The following RELN variants were observed in gnomAD, a reference collection of about 807,000 sequenced individuals.
The protein encoded by RELN is reelin.
Under a neutral mutation model 427.6 loss-of-function variants are expected in RELN, and 108 were observed. The ratio of observed to expected loss-of-function variants is 0.25; its 90% confidence interval spans 0.22 to 0.30. RELN has a LOEUF of 0.30. Among genes scored for constraint, RELN ranks in the 10% least tolerant of loss-of-function variants. The pLI is 1.00. For synonymous variants in RELN, 1,524 were observed against 1,513.4 expected (o/e 1.01, Z -0.16); for missense variants, 3,715 against 4,302.8 (o/e 0.86, Z 3.82).
intron 20 of RELN, among the ~76,000 whole-genome samples, chr7:103,624,584 G>A (rs1486876819): frequency 2.0e-5 from 3 of 152,132 alleles, no homozygotes; most frequent in Admixed American, 6.5e-5. Flanking sequence ...CCGCCACCAG[G>A]CCCTGCTAAC....
intron 2 of RELN, among the ~76,000 whole-genome samples, chr7:103,893,598 G>A (rs62482326): frequency 6.6e-6 from 1 of 152,086 alleles, no homozygotes; most frequent in Admixed American, 6.6e-5. Flanking sequence ...GAACATAAAT[G>A]TACATACACT....
chr7:103,627,686 A>G (rs549769612), intron 20 of RELN, among the ~76,000 whole-genome samples: 1 of 152,330 alleles, frequency 6.6e-6, no homozygotes, highest in Admixed American at 6.5e-5. Flanking sequence ...TCGATTGCTC[A>G]CATGTGGTTG....
chr7:103,522,830 G>GACACCCAGACACACAC (rs1562870230), intron 47 of RELN, among the ~76,000 whole-genome samples: 1 of 4,016 alleles, frequency 2.5e-4, no homozygotes, highest in African/African-American at 1.3e-3. Flanking sequence ...ATCTCACACA[G>GACACCCAGACACACAC]ACACACAGAC....
chr7:103,498,994 TTGTCCTGGTGTG>T (rs1828933643), intron 53 of RELN, among the ~76,000 whole-genome samples: 1 of 152,148 alleles, frequency 6.6e-6, no homozygotes, highest in South Asian at 2.1e-4. Context: ...CCCCAATGGA[TTGTCCTGGTGTG>T]TGTGCCCTCA....
rs1001481022 is a variant in RELN, at chr7:103,483,992, G to A, written c.9984-142C>T. Reference sequence around the variant, plus strand: ...CCTACTGGGTTCAAGCGATTTTCCTGCCTCGGTCTCCCTAGTAGCTGGCAT... The same window carrying A: ...CCTACTGGGTTCAAGCGATTTTCCTACCTCGGTCTCCCTAGTAGCTGGCAT... On this transcript the variant is annotated intron_variant, in intron 61 of 64. Transcript: ENST00000428762. 36 of 804,410 alleles carry A rather than the reference G, an allele frequency of 4.5e-5. No homozygotes were observed. In the African/African-American group the frequency reaches 5.7e-4, roughly 13 times the overall value. 49.8% of individuals were successfully genotyped at this position (804,410 alleles called of 1,614,324 possible). A position where few individuals can be genotyped will look rare whatever the true frequency, so the allele number is the denominator to read the frequency against.
At chr7:103,566,785 TATTTGGAC>T in intron 31 of RELN, 26 bp from the exon 32 acceptor site, 6 of 1,609,594 alleles carry the variant, frequency 3.7e-6, no homozygotes, top group Non-Finnish European at 5.1e-6. Flanking sequence ...TAAATCCAGT[TATTTGGAC>T]ACTTTCCTAG....
chr7:103,479,389 T>C (rs1016059728), intron 63 of RELN, among the ~76,000 whole-genome samples: 8 of 152,232 alleles, frequency 5.3e-5, no homozygotes, highest in Non-Finnish European at 8.8e-5. Context: ...TTGTCAATGA[T>C]CGTGTTATGC....
intron 46 of RELN, among the ~76,000 whole-genome samples, chr7:103,527,894 G>T (rs969839191): frequency 6.6e-6 from 1 of 152,192 alleles, no homozygotes. Flanking sequence ...TCACACCCAT[G>T]AAGATGGCAA....
chr7:103,936,743 GAC>G (rs57505374), intron 1 of RELN, among the ~76,000 whole-genome samples: 62,776 of 138,402 alleles, frequency 0.45, 13,881 homozygotes, highest in East Asian at 0.64. Flanking sequence ...CAGACAGACA[GAC>G]ACACACACAC....
intron 45 of RELN, among the ~76,000 whole-genome samples, 200 bp from the exon 46 acceptor site, chr7:103,535,684 C>G (rs1265195694): frequency 6.6e-6 from 1 of 150,820 alleles, no homozygotes; most frequent in Non-Finnish European, 1.5e-5. Flanking sequence ...TTTAAATTTC[C>G]ATGTTGAAAT....
intron 8 of RELN, among the ~76,000 whole-genome samples, chr7:103,708,466 T>G (rs1361925888): frequency 7.3e-6 from 1 of 136,268 alleles, no homozygotes; most frequent in East Asian, 2.0e-4. Flanking sequence ...GTATGACTCT[T>G]TTTTTTTTTT....
chr7:103,588,725 C>CT (rs1376924149), intron 28 of RELN, among the ~76,000 whole-genome samples: 1 of 152,074 alleles, frequency 6.6e-6, no homozygotes, highest in Non-Finnish European at 1.5e-5. Context: ...CATTGTAGAC[C>CT]ACAACCAGTC....
intron 1 of RELN, among the ~76,000 whole-genome samples, chr7:103,924,293 T>C (rs1296769351): frequency 6.6e-6 from 1 of 152,204 alleles, no homozygotes; most frequent in Non-Finnish European, 1.5e-5. Context: ...ATTATTACTC[T>C]TCTTTTTCAT....
intron 5 of RELN, among the ~76,000 whole-genome samples, chr7:103,749,917 G>A (rs948975687): frequency 1.2e-4 from 18 of 152,140 alleles, no homozygotes; most frequent in Non-Finnish European, 2.4e-4. Flanking sequence ...GGAGGTAATT[G>A]AATCATGGGG....
chr7:103,489,155 C>T (rs1042060865), intron 60 of RELN, among the ~76,000 whole-genome samples: 1 of 151,756 alleles, frequency 6.6e-6, no homozygotes, highest in Admixed American at 6.6e-5. Context: ...ATATACTCAA[C>T]CTCTAGAAAC....
chr7:103,897,748 T>C (rs965924248), intron 2 of RELN, among the ~76,000 whole-genome samples: 5 of 152,046 alleles, frequency 3.3e-5, no homozygotes, highest in African/African-American at 1.2e-4. Flanking sequence ...CTTGCTCCAC[T>C]TTAAAGAAAC....
chr7:103,934,955 GAAC>G (rs1397348142), intron 1 of RELN, among the ~76,000 whole-genome samples: 1 of 152,172 alleles, frequency 6.6e-6, no homozygotes, highest in African/African-American at 2.4e-5. Context: ...CGTTTAAATA[GAAC>G]AACTAGCAGC....
intron 45 of RELN, among the ~76,000 whole-genome samples, chr7:103,535,751 C>T (rs1584272392): frequency 1.3e-5 from 2 of 151,976 alleles, no homozygotes; most frequent in African/African-American, 2.4e-5. Flanking sequence ...TGAATCACAT[C>T]TTATAATGAG....
chr7:103,652,370 A>C (rs1584378520), intron 14 of RELN, among the ~76,000 whole-genome samples, 181 bp downstream of exon 14: 2 of 151,922 alleles, frequency 1.3e-5, no homozygotes, highest in Middle Eastern at 3.4e-3. Context: ...CTTGAAATCT[A>C]TCCAATCATA....
Sources: gnomAD v4.1 joint callset for allele counts (sites outside exome capture counted in the v4.1 genomes callset) on GRCh38, gnomAD v4.1.1 for gene constraint, MANE v1.5 for transcripts, NCBI Gene and HGNC (gene_info 2026-07-23, HGNC 2026-07-21) for gene names.